Variants in AKAP13 observed in about 807,000 individuals in gnomAD.
AKAP13 encodes the protein A-kinase anchoring protein 13, also known as A-kinase anchor protein 13.
AKAP13 carries 80 observed loss-of-function variants against 264.5 expected under a neutral mutation model. The observed-to-expected ratio is 0.30, with a 90% CI of 0.25 to 0.36. The LOEUF is 0.36. AKAP13 is among the 10% of genes least tolerant of loss of function. The pLI is 1.00. For synonymous variants in AKAP13, 1,380 were observed against 1,250.2 expected (o/e 1.10, Z -2.19); for missense variants, 3,712 against 3,435.2 (o/e 1.08, Z -2.01).
chr15:85,727,156 A>T lies in AKAP13; in HGVS notation c.6913A>T (p.Met2305Leu). ...AGGTTTATTCCTGATCAGCATGGGG[A>T]TGACAGATCCAGAGATGGTAGAAGT... is the stretch of plus-strand genomic sequence containing the variant. ...EKGLFLISMG[M>L]TDPEMVEVHA... Residue 2305 changes from methionine (M) to leucine (L), a missense_variant, in exon 28 of 37, where the codon ATG becomes TTG. Physicochemically the swap from Met to Leu is conservative, Grantham distance 15 (BLOSUM62 2). Around this residue, in one of 3 missense-constraint regions of AKAP13, gnomAD observed 342 missense variants for 484.3 expected, o/e 0.71. Transcript: ENST00000394518. The surrounding 1 kb of genome is among the most constrained non-coding windows in gnomAD (Gnocchi z 5.3). The T allele has an allele frequency of 2.5e-6, 4 of 1,614,204 alleles. 1 individual carries two copies. The South Asian group carries it at 3.3e-5, about 13-fold the overall frequency.
intron 9 of AKAP13, among the ~76,000 whole-genome samples, 168 bp downstream of exon 9, chr15:85,639,617 G>T (rs1427376299): frequency 1.1e-5 from 1 of 88,472 alleles, no homozygotes; most frequent in Non-Finnish European, 2.6e-5. Flanking sequence ...ATGAACACAT[G>T]TAATTACCGA....
intron 16 of AKAP13, chr15:85,685,320 A>G (rs747470667): frequency 6.6e-6 from 1 of 152,630 alleles, no homozygotes; most frequent in African/African-American, 2.4e-5. Flanking sequence ...AAATATTTAT[A>G]TTTGGCTTTA....
intron 9 of AKAP13, among the ~76,000 whole-genome samples, chr15:85,641,445 CAAATAAATAAAT>C (rs199664618): frequency 0.23 from 21,946 of 97,118 alleles, 3,279 homozygotes; most frequent in East Asian, 0.67. Context: ...GACTCCATCT[CAAATAAATAAAT>C]AAATAAATAA....
chr15:85,501,492 A>G lies in AKAP13; in HGVS notation c.33+15739A>G, dbSNP rs139060996. ...TGATTTTTCATTTGCCATACTGTAT[A>G]TGTGTGCATTTGTATGCAGTAGAGG... is the stretch of plus-strand genomic sequence containing the variant. On this transcript the variant is annotated intron_variant, in intron 2 of 36. Transcript: ENST00000394518. Among the ~76,000 whole-genome samples the G allele has an allele frequency of 2.5e-3, 377 of 152,322 alleles. 5 individuals are homozygous for G. The highest frequency in any genetic ancestry group is 8.8e-3 in the African/African-American group (364 of 41,574).
intron 1 of AKAP13, among the ~76,000 whole-genome samples, chr15:85,390,743 A>G (rs1446076962): frequency 1.3e-5 from 2 of 152,244 alleles, no homozygotes; most frequent in Admixed American, 1.3e-4. Flanking sequence ...ATACGCTGAA[A>G]ATAGAACTAT....
intron 1 of AKAP13, among the ~76,000 whole-genome samples, chr15:85,452,219 G>GT (rs36006368): frequency 0.014 from 1,947 of 140,750 alleles, 17 homozygotes; most frequent in Non-Finnish European, 0.022. Context: ...ATCCCTTAGG[G>GT]TTTTTTTTTT....
intron 14 of AKAP13, among the ~76,000 whole-genome samples, chr15:85,681,480 C>T (rs1418817797): frequency 1.3e-5 from 2 of 152,032 alleles, no homozygotes; most frequent in Non-Finnish European, 2.9e-5. Flanking sequence ...TGACCTGCGG[C>T]AGTTTATGGT....
chr15:85,402,210 T>G (rs2071457084), intron 1 of AKAP13, among the ~76,000 whole-genome samples: 1 of 152,202 alleles, frequency 6.6e-6, no homozygotes, highest in Non-Finnish European at 1.5e-5. Context: ...GGGGAGGGCA[T>G]GAAAAAGAGA....
intron 11 of AKAP13, among the ~76,000 whole-genome samples, chr15:85,657,856 G>T (rs745831001): frequency 8.6e-5 from 13 of 151,980 alleles, no homozygotes; most frequent in African/African-American, 1.7e-4. Flanking sequence ...AGGAATGAGG[G>T]TTTATTTTCT....
chr15:85,575,018 C>G (rs2078959417), intron 5 of AKAP13, 113 bp from the exon 6 acceptor site: 2 of 936,666 alleles, frequency 2.1e-6, no homozygotes, highest in African/African-American at 1.6e-5. Flanking sequence ...CTAATTTTTG[C>G]TGTTGAACCT....
intron 5 of AKAP13, among the ~76,000 whole-genome samples, chr15:85,572,950 G>C (rs2151293885): frequency 6.6e-6 from 1 of 152,292 alleles, no homozygotes; most frequent in African/African-American, 2.4e-5. Flanking sequence ...TTAGTTTGCT[G>C]AGAACGATGG....
chr15:85,726,141 T>C (rs2087603517), intron 26 of AKAP13: 1 of 322,248 alleles, frequency 3.1e-6, no homozygotes, highest in Admixed American at 4.6e-5. Context: ...ATGGGATATA[T>C]CTTTCTAGGA....
chr15:85,592,885 T>A (rs756142526), intron 8 of AKAP13, among the ~76,000 whole-genome samples: 1 of 152,202 alleles, frequency 6.6e-6, no homozygotes, highest in Non-Finnish European at 1.5e-5. Flanking sequence ...TGTAAAGGTA[T>A]AATTTAATGA....
intron 4 of AKAP13, among the ~76,000 whole-genome samples, chr15:85,540,735 T>C (rs971897991): frequency 1.3e-5 from 2 of 152,232 alleles, no homozygotes; most frequent in African/African-American, 2.4e-5. Context: ...CGTTTATCCC[T>C]TTGCACCTTG....
At position 85,719,249 on chromosome 15, in the gene AKAP13, C is replaced by T; in HGVS notation, c.6175C>T (p.Arg2059Trp). Residue 2059 changes from arginine (R) to tryptophan (W), a missense_variant, in exon 23 of 37, where the codon CGG becomes TGG. Physicochemically the swap from Arg to Trp is moderately radical, Grantham distance 101 (BLOSUM62 -3). Around this residue, in one of 3 missense-constraint regions of AKAP13, gnomAD observed 342 missense variants for 484.3 expected, o/e 0.71. Coordinates refer to ENST00000394518, the MANE Select transcript of AKAP13 (RefSeq NM_007200.5). ...HSQFFQRILE[R>W]KKESLVDKSE... ...CCAATTCTTCCAGAGGATTCTGGAG[C>T]GGAAGAAGGAGTCTCTGGTGGATAA... is the stretch of plus-strand genomic sequence containing the variant. 1 of 1,614,066 alleles carries T rather than the reference C, an allele frequency of 6.2e-7. No homozygotes were observed. Among genetic ancestry groups the T allele is most frequent in the Non-Finnish European group, 8.5e-7 (1 of 1,180,028 alleles).
intron 1 of AKAP13, among the ~76,000 whole-genome samples, chr15:85,480,179 A>G (rs970962536): frequency 3.3e-5 from 5 of 152,226 alleles, no homozygotes; most frequent in Admixed American, 1.3e-4. Flanking sequence ...TCGTTCCTCC[A>G]GATTCTTTTC....
intron 8 of AKAP13, chr15:85,627,495 C>G (rs2081473234): frequency 6.6e-6 from 1 of 152,234 alleles, no homozygotes; most frequent in African/African-American, 2.4e-5. Context: ...TTCCTTCCTC[C>G]CTACTCTCCC....
At position 85,575,319 on chromosome 15, in the gene AKAP13, A is replaced by T. The variant is rs1464433663; in HGVS notation, c.851A>T (p.Gln284Leu). The T allele has an allele frequency of 6.2e-7, 1 of 1,614,132 alleles. No individual in the cohort carries two copies. The highest frequency in any genetic ancestry group is 8.5e-7 in the Non-Finnish European group (1 of 1,179,966). Reference sequence around the variant, plus strand: ...ATTTTTAAACTTATGAACATCCAACAGCAACTAATGGTAAGTCAGAAAGCT... The same window carrying T: ...ATTTTTAAACTTATGAACATCCAACTGCAACTAATGGTAAGTCAGAAAGCT... ...GPIFKLMNIQQQLMKTNLKQM... is the reference protein window; with the variant it reads ...GPIFKLMNIQLQLMKTNLKQM... Residue 284 changes from glutamine to leucine, a missense_variant, in exon 6 of 37, where the codon CAG becomes CTG. By Grantham distance (113) the Gln-to-Leu change is moderately radical. Around this residue, in one of 3 missense-constraint regions of AKAP13, gnomAD observed 2,759 missense variants for 2,411.7 expected, o/e 1.14. Transcript: ENST00000394518.
At chr15:85,642,195 A>C (rs1355417020) in intron 9 of AKAP13, among the ~76,000 whole-genome samples, 2 of 152,236 alleles carry the variant, frequency 1.3e-5, no homozygotes, top group African/African-American at 4.8e-5. Flanking sequence ...GCTGGAAACC[A>C]GAGTTCTGGT....
Sources: allele counts gnomAD v4.1 joint callset (sites outside exome capture counted in the v4.1 genomes callset), GRCh38; gene constraint gnomAD v4.1.1; regional missense constraint gnomAD v4.1.1; non-coding constraint Gnocchi (gnomAD v3.1); transcripts MANE v1.5; gene names NCBI Gene and HGNC (gene_info 2026-07-23, HGNC 2026-07-21).